The following BTBD2 variants were observed in gnomAD, a reference collection of about 807,000 sequenced individuals.
The protein encoded by BTBD2 is BTB domain containing 2.
A neutral mutation model predicts 44.0 loss-of-function variants in BTBD2; 15 were observed. The observed-to-expected ratio is 0.34, with a 90% confidence interval of 0.23 to 0.53. BTBD2 has a LOEUF of 0.53. BTBD2 is among the 20% of genes least tolerant of loss of function. The pLI, the probability that BTBD2 is intolerant of heterozygous loss-of-function variation, is 0.95. For missense variants in BTBD2, 657 were observed against 746.4 expected (o/e 0.88, Z 1.39); for synonymous variants, 443 against 335.9 (o/e 1.32, Z -3.49).
intron 1 of BTBD2, among the ~76,000 whole-genome samples, chr19:2,001,197 T>C (rs966590621): frequency 2.0e-5 from 3 of 151,082 alleles, no homozygotes; most frequent in South Asian, 4.2e-4. Flanking sequence ...GGCAGGAGAA[T>C]CACTTAGAAC....
At chr19:2,009,121 C>A (rs967396169) in intron 1 of BTBD2, among the ~76,000 whole-genome samples, 1 of 151,452 alleles carries the variant, frequency 6.6e-6, no homozygotes, top group Non-Finnish European at 1.5e-5. Flanking sequence ...CAGGTTCAAA[C>A]GATTATCCTG....
At chr19:1,998,674 C>T (rs995949409) in intron 1 of BTBD2, among the ~76,000 whole-genome samples, 52 of 152,210 alleles carry the variant, frequency 3.4e-4, no homozygotes, top group African/African-American at 1.1e-3. Context: ...CTCCACGGCT[C>T]CCAGGCTCAA....
chr19:1,990,630 C>G, intron 4 of BTBD2, 87 bp downstream of exon 4: 2 of 1,285,022 alleles, frequency 1.6e-6, no homozygotes, highest in Non-Finnish European at 2.2e-6. Flanking sequence ...TGCAACTCCC[C>G]CAGGCCCAAA....
intron 1 of BTBD2, among the ~76,000 whole-genome samples, chr19:2,007,268 G>A (rs564689482): frequency 6.6e-6 from 1 of 152,202 alleles, no homozygotes; most frequent in East Asian, 1.9e-4. Flanking sequence ...CAGGATTACA[G>A]GTGTAATCCA....
At position 1,986,897 on chromosome 19, in the gene BTBD2, CG is replaced by C; in HGVS notation, c.1348del (p.Arg450AlafsTer37). The C allele has an allele frequency of 6.2e-7, 1 of 1,613,192 alleles. No individual in the cohort carries two copies. ...FSCDGSASTF[R>X]VMFKEPVEVL... ...CTCCACCGGCTCCTTGAACATGACG[CG>C]GAAGGTGCTGGCTGAGCCGTCGCAG... On this transcript the variant is annotated frameshift_variant, in exon 8 of 9. Coordinates refer to ENST00000255608, the MANE Select transcript of BTBD2 (RefSeq NM_017797.4). LOFTEE classifies it high-confidence loss of function.
chr19:1,992,419 T>A (rs1172449128), intron 3 of BTBD2, among the ~76,000 whole-genome samples: 3 of 151,882 alleles, frequency 2.0e-5, no homozygotes, highest in African/African-American at 7.3e-5. Context: ...TTTTAATTTT[T>A]TGTAGAAACG....
Position 2,015,538 on chromosome 19 carries a change from CAGGGGCGGCGG to C in BTBD2, c.155_165del (p.Ala52GlyfsTer92). 1.1e-6 allele frequency: 1 copy of C among 921,144 alleles called. No individual in the cohort carries two copies. The highest frequency in any genetic ancestry group is 5.2e-5 in the South Asian group (1 of 19,384). The allele number at this position is 921,144 out of a possible 1,614,324, so 57.1% of individuals were successfully genotyped here. On this transcript the variant is annotated frameshift_variant, in exon 1 of 9. Transcript: ENST00000255608. LOFTEE classifies it high-confidence loss of function. ...CCCGGCGGGGCGGGCGGCGTCGGCC[CAGGGGCGGCGG>C]CGGCGGCGGCGGCGGCGGCGGCGGC...
Position 1,993,038 on chromosome 19 carries a change from G to C in BTBD2, c.666C>G (p.Ala222=), listed in dbSNP as rs528659596. The part of the protein sequence containing the change: ...FLKKNLRADN[A]FMLLTQARLF... ...CGCCCACCTGCGTGAGCAGCATGAA[G>C]GCGTTGTCGGCTCGCAGGTTCTTCT... The change falls in exon 3 of 9, where the codon GCC becomes GCG. Residue 222 remains alanine (A), a synonymous_variant. Coordinates refer to ENST00000255608, the MANE Select transcript of BTBD2 (RefSeq NM_017797.4). The C allele has an allele frequency of 1.0e-4, 155 of 1,550,182 alleles. No individual in the cohort carries two copies. The highest frequency in any genetic ancestry group is 3.5e-4 in the Admixed American group (20 of 57,510).
chr19:1,990,849 C>T (rs933734055), intron 3 of BTBD2, 27 bp from the exon 4 acceptor site: 77 of 1,532,478 alleles, frequency 5.0e-5, no homozygotes, highest in Non-Finnish European at 6.6e-5. Context: ...ACGGGGGGCG[C>T]GGTGGGGACA....
rs903768782 is a variant in BTBD2 at position 1,986,422 on chromosome 19, C to T, written c.*66G>A. The T allele has an allele frequency of 3.1e-6, 5 of 1,588,750 alleles. No homozygotes were observed. The highest frequency in any genetic ancestry group is 4.3e-6 in the Non-Finnish European group (5 of 1,162,676). On this transcript the variant is annotated 3_prime_UTR_variant, in exon 9 of 9. Transcript: ENST00000255608. Reference sequence around the variant, plus strand: ...GCACCGCGTGGTGGGGGGGCCCCAGCAGCAGATGATGGCCTGGGGCTGCGG... The same window carrying T: ...GCACCGCGTGGTGGGGGGGCCCCAGTAGCAGATGATGGCCTGGGGCTGCGG...
At chr19:2,011,701 G>A (rs933388942) in intron 1 of BTBD2, among the ~76,000 whole-genome samples, 11 of 152,068 alleles carry the variant, frequency 7.2e-5, no homozygotes, top group Admixed American at 4.6e-4. Context: ...CAACGGTGCC[G>A]GCCTCTCCTG....
In BTBD2 at chr19:1,989,773, C is replaced by T. The variant is rs564071511; in HGVS notation, c.988+231G>A. On this transcript the variant is annotated intron_variant, in intron 5 of 8. Transcript: ENST00000255608. ...GGAAGATGCCACCAAAACAGCTGGA[C>T]AGACACGAGAGGCGGGGTCTGGCAG... 5.2e-6 allele frequency: 3 copies of T among 576,998 alleles called. No individual in the cohort carries two copies. The South Asian group carries it at 6.1e-5, about 12-fold the overall frequency. 35.7% of individuals were successfully genotyped at this position (576,998 alleles called of 1,614,324 possible).
At chr19:2,002,308 T>G (rs1429069470) in intron 1 of BTBD2, among the ~76,000 whole-genome samples, 1 of 152,204 alleles carries the variant, frequency 6.6e-6, no homozygotes, top group Non-Finnish European at 1.5e-5. Context: ...CTCAAACCCC[T>G]GGGCTCAAGC....
intron 1 of BTBD2, among the ~76,000 whole-genome samples, chr19:2,006,711 G>A (rs918314507): frequency 1.3e-5 from 2 of 151,220 alleles, no homozygotes; most frequent in African/African-American, 4.9e-5. Flanking sequence ...TTTCTGAGAC[G>A]GAGTTTCACT....
intron 1 of BTBD2, among the ~76,000 whole-genome samples, chr19:2,005,074 C>T (rs1568221243): frequency 2.0e-5 from 3 of 152,066 alleles, no homozygotes; most frequent in Non-Finnish European, 2.9e-5. Context: ...CCTGTCTCGG[C>T]CTCCCAAAGT....
intron 2 of BTBD2, among the ~76,000 whole-genome samples, 179 bp from the exon 3 acceptor site, chr19:1,993,355 C>G (rs1221426121): frequency 6.6e-6 from 1 of 152,236 alleles, no homozygotes. Flanking sequence ...CCGTTGCCCT[C>G]TGACATAGGG....
At chr19:2,015,166 GAGGGGTGC>G in intron 1 of BTBD2, 123 bp downstream of exon 1, 1 of 1,330,880 alleles carries the variant, frequency 7.5e-7, no homozygotes, top group Non-Finnish European at 9.7e-7. Context: ...CCCGGGGACA[GAGGGGTGC>G]AGGGCTCGGG....
rs34228593 is a variant in BTBD2 at position 2,008,589 on chromosome 19, C to CTTTTTTTTTTTTTTTT, written c.407+6692_407+6707dup. Among the ~76,000 whole-genome samples, 12 of 126,574 alleles carry CTTTTTTTTTTTTTTTT rather than the reference C, an allele frequency of 9.5e-5. No homozygotes were observed. In the East Asian group the frequency reaches 2.3e-3, roughly 24 times the overall value. 83.0% of individuals were successfully genotyped at this position (126,574 alleles called of 152,430 possible). A position where few individuals can be genotyped will look rare whatever the true frequency, so the allele number is the denominator to read the frequency against. On this transcript the variant is annotated intron_variant, in intron 1 of 8. Transcript: ENST00000255608. ...TACAGGCGTGAGCCACTGTGCCCAG[C>CTTTTTTTTTTTTTTTT]TTTTTTTTTTTTTTTTTTTAGGGAC...
intron 2 of BTBD2, among the ~76,000 whole-genome samples, chr19:1,996,480 T>C (rs12461769): frequency 0.17 from 25,879 of 149,278 alleles, 2,793 homozygotes; most frequent in African/African-American, 0.28. Flanking sequence ...GATGTTTCCT[T>C]TTTTTTGTTG....
Sources: allele counts gnomAD v4.1 joint callset (sites outside exome capture counted in the v4.1 genomes callset), GRCh38; gene constraint gnomAD v4.1.1; transcripts MANE v1.5; gene names NCBI Gene and HGNC (gene_info 2026-07-23, HGNC 2026-07-21).